Variants in IFT140 observed in about 807,000 individuals in gnomAD.
The protein encoded by IFT140 is intraflagellar transport protein 140 homolog.
IFT140 carries 133 observed loss-of-function variants against 164.6 expected under a neutral mutation model. That is an observed-to-expected ratio of 0.81 (90% CI 0.70 to 0.93). The LOEUF (loss-of-function observed/expected upper bound fraction) is 0.93. Ranked by LOEUF, IFT140 falls within the 40% of genes least tolerant of loss-of-function variation. The pLI is 0.00. For missense variants in IFT140, 2,045 were observed against 1,972.3 expected (o/e 1.04, Z -0.70); for synonymous variants, 860 against 817.3 (o/e 1.05, Z -0.89).
chr16:1,530,234 G>C (rs541656875), intron 19 of IFT140, among the ~76,000 whole-genome samples: 1 of 149,000 alleles, frequency 6.7e-6, no homozygotes, highest in Non-Finnish European at 1.5e-5. Flanking sequence ...TGCCTCCCGA[G>C]TGATTCTCCT....
At chr16:1,597,237 G>A (rs1000894774) in intron 4 of IFT140, among the ~76,000 whole-genome samples, 2 of 152,126 alleles carry the variant, frequency 1.3e-5, no homozygotes, top group Admixed American at 6.5e-5. Context: ...CCCGTCTAAC[G>A]TGCTCTCCTC....
chr16:1,524,224 T>C, intron 24 of IFT140: 2 of 611,582 alleles, frequency 3.3e-6, no homozygotes, highest in East Asian at 2.9e-5. Flanking sequence ...GTTGGGACAT[T>C]TGTGTGGTGC....
intron 19 of IFT140, among the ~76,000 whole-genome samples, chr16:1,547,948 A>G (rs904568986): frequency 2.6e-5 from 4 of 152,142 alleles, no homozygotes; most frequent in African/African-American, 9.7e-5. Context: ...AAGTGCTAGG[A>G]TGAAGGTGTG....
At chr16:1,534,336 A>G (rs1456243053) in intron 19 of IFT140, 1 of 1,612,808 alleles carries the variant, frequency 6.2e-7, no homozygotes, top group Non-Finnish European at 8.5e-7. Context: ...ACTCATCCTC[A>G]ACAACGTGGC....
At chr16:1,570,991 A>G (rs559305565) in intron 14 of IFT140, among the ~76,000 whole-genome samples, 185 of 152,298 alleles carry the variant, frequency 1.2e-3, no homozygotes, top group Non-Finnish European at 2.1e-3. Flanking sequence ...TCCTGGGCTC[A>G]AGCAGTCTTC....
chr16:1,573,555 T>C (rs1197643111), intron 13 of IFT140, among the ~76,000 whole-genome samples: 1 of 152,128 alleles, frequency 6.6e-6, no homozygotes, highest in Non-Finnish European at 1.5e-5. Context: ...CCCTGCCCCC[T>C]ATGCCAGCTC....
At position 1,510,666 on chromosome 16, in the gene IFT140, G is replaced by A; in HGVS notation, c.*278C>T. On this transcript the variant is annotated 3_prime_UTR_variant, in exon 31 of 31. Transcript: ENST00000426508. ...CTCAGGCTTTACAATGTGTAGTTGG[G>A]AGAATACGATGGAAGGGTGAACCCG... 1 of 547,474 alleles carries A rather than the reference G, an allele frequency of 1.8e-6. No individual in the cohort carries two copies. The highest frequency in any genetic ancestry group is 3.3e-6 in the Non-Finnish European group (1 of 305,678). 33.9% of individuals were successfully genotyped at this position (547,474 alleles called of 1,614,324 possible).
At chr16:1,529,716 CT>C (rs1180549691) in intron 19 of IFT140, among the ~76,000 whole-genome samples, 1 of 152,196 alleles carries the variant, frequency 6.6e-6, no homozygotes, top group Admixed American at 6.5e-5. Flanking sequence ...CTCCTTTATG[CT>C]GAGGTCCTGG....
chr16:1,546,960 G>A (rs1477275759), intron 19 of IFT140, among the ~76,000 whole-genome samples: 7 of 152,210 alleles, frequency 4.6e-5, no homozygotes, highest in Non-Finnish European at 7.3e-5. Flanking sequence ...AGTCCCCGCC[G>A]TCCCCCAGTC....
At chr16:1,602,894 C>T (rs570007964) in intron 3 of IFT140, among the ~76,000 whole-genome samples, 7 of 152,212 alleles carry the variant, frequency 4.6e-5, no homozygotes, top group East Asian at 3.9e-4. Flanking sequence ...GAGCCCAGAT[C>T]GCACCACTGC....
At chr16:1,582,432 C>T (rs1316907806) in intron 12 of IFT140, among the ~76,000 whole-genome samples, 4 of 152,196 alleles carry the variant, frequency 2.6e-5, no homozygotes, top group Non-Finnish European at 4.4e-5. Context: ...GGAAGCGTGG[C>T]CCTGCTGACG....
intron 2 of IFT140, chr16:1,610,014 C>T (rs1567439012): frequency 6.6e-6 from 1 of 152,332 alleles, no homozygotes; most frequent in Admixed American, 6.5e-5. Flanking sequence ...TCCATCAAAC[C>T]AGCTTTTGGG....
At chr16:1,542,550 C>T (rs1158479182) in intron 19 of IFT140, among the ~76,000 whole-genome samples, 1 of 152,218 alleles carries the variant, frequency 6.6e-6, no homozygotes, top group Admixed American at 6.5e-5. Flanking sequence ...CTAGGAAGGC[C>T]AAGGCATGTG....
intron 4 of IFT140, among the ~76,000 whole-genome samples, chr16:1,596,480 A>G (rs1443522166): frequency 6.6e-6 from 1 of 152,152 alleles, no homozygotes; most frequent in Non-Finnish European, 1.5e-5. Flanking sequence ...TGGAATGTCC[A>G]AGTTTCCAGG....
Position 1,583,297 on chromosome 16 carries a change from G to C in IFT140, c.1432+17C>G. 1.9e-6 allele frequency: 3 copies of C among 1,611,138 alleles called. No homozygotes were observed. The highest frequency in any genetic ancestry group is 2.5e-6 in the Non-Finnish European group (3 of 1,177,336). Reference sequence around the variant, plus strand: ...CCAGGTAGTGGGAGTGCCTCTGTCCGGGTGAAAAGAACCCACCTGCACTCC... The same window carrying C: ...CCAGGTAGTGGGAGTGCCTCTGTCCCGGTGAAAAGAACCCACCTGCACTCC... On this transcript the variant is annotated intron_variant, in intron 12 of 30. Transcript: ENST00000426508.
Position 1,558,038 on chromosome 16 carries a change from C to A in IFT140, c.2296G>T (p.Glu766Ter), listed in dbSNP as rs756129608. ...RRPLRDFVGL[E>*]DCDKATRDAM... Reference sequence around the variant, plus strand: ...TCCCGGGTGGCCTTGTCGCAGTCCTCCAGCCCCACAAAGTCTCGCAGGGGT... The same window carrying A: ...TCCCGGGTGGCCTTGTCGCAGTCCTACAGCCCCACAAAGTCTCGCAGGGGT... Residue 766 changes from glutamate (E) to a stop codon, truncating the protein, a stop_gained, in exon 19 of 31, where the codon GAG becomes TAG. Transcript: ENST00000426508. LOFTEE classifies it high-confidence loss of function. 1.9e-6 allele frequency: 3 copies of A among 1,614,068 alleles called. No homozygotes were observed. The highest frequency in any genetic ancestry group is 1.1e-5 in the South Asian group (1 of 91,070).
chr16:1,563,813 C>T (rs768972608), intron 17 of IFT140, among the ~76,000 whole-genome samples, 184 bp downstream of exon 17: 47 of 152,110 alleles, frequency 3.1e-4, no homozygotes, highest in Non-Finnish European at 4.6e-4. Flanking sequence ...TTTTTAGAGA[C>T]GAGGGTCTCA....
intron 4 of IFT140, among the ~76,000 whole-genome samples, chr16:1,594,356 G>C (rs1186709255): frequency 6.6e-6 from 1 of 152,020 alleles, no homozygotes; most frequent in African/African-American, 2.4e-5. Context: ...GAGTAGCTGG[G>C]AATACAGATG....
At chr16:1,515,293 T>C (rs2040304678) in intron 30 of IFT140, among the ~76,000 whole-genome samples, 1 of 152,004 alleles carries the variant, frequency 6.6e-6, no homozygotes, top group South Asian at 2.1e-4. Flanking sequence ...CAGTGGGAGA[T>C]GGAGAGACAC....
Sources: gnomAD v4.1 joint callset for allele counts (sites outside exome capture counted in the v4.1 genomes callset) on GRCh38, gnomAD v4.1.1 for gene constraint, MANE v1.5 for transcripts, NCBI Gene and HGNC (gene_info 2026-07-23, HGNC 2026-07-21) for gene names.